ITCH: variants seen among roughly 807,000 people sequenced by gnomAD.
The protein encoded by ITCH is E3 ubiquitin-protein ligase Itchy homolog.
In ITCH, 28 loss-of-function variants were observed where a neutral mutation model predicts 126.8. The ratio of observed to expected loss-of-function variants is 0.22; its 90% confidence interval spans 0.16 to 0.30. ITCH has a LOEUF of 0.30. Among genes scored for constraint, ITCH ranks in the 10% least tolerant of loss-of-function variants. ITCH has a pLI of 1.00. For synonymous variants in ITCH, 342 were observed against 340.0 expected, an observed-to-expected ratio of 1.01 and a Z score of -0.06; for missense variants, 631 against 1,032.4, an observed-to-expected ratio of 0.61 and a Z score of 5.33.
intron 7 of ITCH, among the ~76,000 whole-genome samples, chr20:34,429,571 T>G (rs1982014189): frequency 6.6e-6 from 1 of 152,022 alleles, no homozygotes; most frequent in South Asian, 2.1e-4. Flanking sequence ...GACACACACG[T>G]TTTTGCAAAT....
chr20:34,480,756 TTA>T, intron 19 of ITCH, 24 bp downstream of exon 19: 1 of 1,548,588 alleles, frequency 6.5e-7, no homozygotes, highest in Non-Finnish European at 8.9e-7. Flanking sequence ...TCCATGTAAT[TTA>T]TTAAAATATA....
intron 1 of ITCH, among the ~76,000 whole-genome samples, chr20:34,365,207 TA>T (rs914748967): frequency 1.3e-4 from 19 of 146,408 alleles, no homozygotes; most frequent in African/African-American, 3.0e-4. Context: ...TCTCAAAAAA[TA>T]AAAAAAAAAA....
At chr20:34,383,948 T>A (rs923533478) in intron 2 of ITCH, among the ~76,000 whole-genome samples, 5 of 147,048 alleles carry the variant, frequency 3.4e-5, no homozygotes, top group African/African-American at 1.3e-4. Context: ...GGGTTCAAGC[T>A]ATTCTTCTGT....
chr20:34,464,388 G>A (rs1449711923), intron 14 of ITCH, among the ~76,000 whole-genome samples: 1 of 146,818 alleles, frequency 6.8e-6, no homozygotes, highest in African/African-American at 2.5e-5. Flanking sequence ...GTGCAATGGT[G>A]CGATCTCGGC....
intron 20 of ITCH, among the ~76,000 whole-genome samples, chr20:34,487,170 C>G (rs979259298): frequency 4.6e-5 from 7 of 151,982 alleles, no homozygotes; most frequent in Non-Finnish European, 8.8e-5. Flanking sequence ...TGCCACCACA[C>G]CTGGCTAATT....
chr20:34,483,908 T>C (rs560325365), intron 20 of ITCH, among the ~76,000 whole-genome samples: 1 of 152,244 alleles, frequency 6.6e-6, no homozygotes, highest in South Asian at 2.1e-4. Flanking sequence ...ACAATCATGG[T>C]GGAAGGCAAG....
At chr20:34,451,182 C>T (rs1985173981) in intron 12 of ITCH, among the ~76,000 whole-genome samples, 1 of 151,262 alleles carries the variant, frequency 6.6e-6, no homozygotes, top group South Asian at 2.1e-4. Context: ...CCCAGCTGCT[C>T]AGGAGGCTGA....
At chr20:34,417,086 G>A in intron 6 of ITCH, 1 of 620,702 alleles carries the variant, frequency 1.6e-6, no homozygotes, top group Non-Finnish European at 3.0e-6. Context: ...ATTTTAATTT[G>A]CTATTTAGGT....
intron 24 of ITCH, 133 bp from the exon 25 acceptor site, chr20:34,507,560 CTT>C: frequency 5.8e-6 from 4 of 690,522 alleles, no homozygotes; most frequent in Non-Finnish European, 1.0e-5. Context: ...GGTTATTTCA[CTT>C]TCTTGATGGT....
intron 2 of ITCH, among the ~76,000 whole-genome samples, chr20:34,385,611 A>G (rs1425270994): frequency 6.6e-6 from 1 of 152,152 alleles, no homozygotes; most frequent in Non-Finnish European, 1.5e-5. Flanking sequence ...CTGGAATATT[A>G]GGTACAGAGT....
intron 23 of ITCH, among the ~76,000 whole-genome samples, chr20:34,493,202 A>G (rs1335344724): frequency 6.6e-6 from 1 of 152,260 alleles, no homozygotes; most frequent in African/African-American, 2.4e-5. Flanking sequence ...GAGGATACAC[A>G]GAGAAGTTAA....
chr20:34,490,054 A>G, intron 22 of ITCH, 128 bp downstream of exon 22: 1 of 698,108 alleles, frequency 1.4e-6, no homozygotes, highest in Non-Finnish European at 2.6e-6. Context: ...CATGCATTAT[A>G]ATAAATGAAT....
At chr20:34,464,433 T>C (rs1986848244) in intron 14 of ITCH, among the ~76,000 whole-genome samples, 1 of 151,822 alleles carries the variant, frequency 6.6e-6, no homozygotes, top group Non-Finnish European at 1.5e-5. Context: ...TTCAAGCTAT[T>C]CTCCTGCTTC....
intron 2 of ITCH, among the ~76,000 whole-genome samples, chr20:34,379,900 C>A (rs1449838913): frequency 7.1e-6 from 1 of 139,876 alleles, no homozygotes. Flanking sequence ...CCCGGCCCCC[C>A]CCCCCCTTTT....
chr20:34,457,931 A>T (rs1986168945), intron 13 of ITCH, among the ~76,000 whole-genome samples: 1 of 152,160 alleles, frequency 6.6e-6, no homozygotes, highest in Admixed American at 6.6e-5. Flanking sequence ...CCTGGAGGAC[A>T]GGTTGAGGGC....
rs912814500 is a variant in ITCH, at chr20:34,475,663, G to C, written c.1570-2109G>C. Among the ~76,000 whole-genome samples, 8 of 151,638 alleles carry C rather than the reference G, an allele frequency of 5.3e-5. No homozygotes were observed. The South Asian group carries it at 8.4e-4, about 16-fold the overall frequency. ...GACCGTGGAAAGAGAGGGAGAGCGAGACCGTGGGGAGAGGGAGACGGGAGA... is the reference window on the plus strand; with the variant it reads ...GACCGTGGAAAGAGAGGGAGAGCGACACCGTGGGGAGAGGGAGACGGGAGA... On this transcript the variant is annotated intron_variant, in intron 16 of 24. Coordinates refer to ENST00000374864, the MANE Select transcript of ITCH (RefSeq NM_031483.7).
intron 6 of ITCH, among the ~76,000 whole-genome samples, chr20:34,422,319 A>C (rs1980884051): frequency 6.6e-6 from 1 of 152,188 alleles, no homozygotes; most frequent in South Asian, 2.1e-4. Flanking sequence ...GTTCTTTGTC[A>C]CTGTAGTGAG....
chr20:34,420,563 G>A (rs552100933), intron 6 of ITCH, among the ~76,000 whole-genome samples: 5 of 152,276 alleles, frequency 3.3e-5, no homozygotes, highest in African/African-American at 7.2e-5. Context: ...ACAAGGTTCT[G>A]TGTAGAAATA....
chr20:34,476,476 GC>G, intron 16 of ITCH: 1 of 1,213,194 alleles, frequency 8.2e-7, no homozygotes, highest in Non-Finnish European at 1.0e-6. Context: ...GGCAGCCATC[GC>G]CCGCGGTCGG....
Sources: gnomAD v4.1 joint callset for allele counts (sites outside exome capture counted in the v4.1 genomes callset) on GRCh38, gnomAD v4.1.1 for gene constraint, MANE v1.5 for transcripts, NCBI Gene and HGNC (gene_info 2026-07-23, HGNC 2026-07-21) for gene names.